Variants in TFPI observed in about 807,000 individuals in gnomAD.
TFPI encodes the protein anti-convertin.
TFPI carries 15 observed loss-of-function variants against 34.6 expected under a neutral mutation model. The observed-to-expected ratio is 0.43, with a 90% CI of 0.29 to 0.67. TFPI has a LOEUF of 0.67. TFPI is among the 30% of genes least tolerant of loss of function. The pLI, the probability that TFPI is intolerant of heterozygous loss-of-function variation, is 0.15. For synonymous variants in TFPI, 105 were observed against 120.1 expected (o/e 0.87, Z 0.82); for missense variants, 301 against 364.0 (o/e 0.83, Z 1.41).
At chr2:187,480,278 C>G (rs887401122) in intron 6 of TFPI, among the ~76,000 whole-genome samples, 4 of 151,822 alleles carry the variant, frequency 2.6e-5, no homozygotes, top group Non-Finnish European at 5.9e-5. Flanking sequence ...AATCTAAGGC[C>G]TGGTGAATTA....
At chr2:187,503,352 C>A (rs1685976753) in intron 2 of TFPI, among the ~76,000 whole-genome samples, 1 of 151,792 alleles carries the variant, frequency 6.6e-6, no homozygotes, top group South Asian at 2.1e-4. Context: ...TTGCTCCTTG[C>A]AATAGCCCGG....
At chr2:187,467,120 AACT>A (rs1691757200) in intron 7 of TFPI, 78 bp from the exon 8 acceptor site, 3 of 934,462 alleles carry the variant, frequency 3.2e-6, no homozygotes, top group Non-Finnish European at 3.1e-6. Flanking sequence ...TTCTCAAAGT[AACT>A]TTTAATATTT....
rs8176563 is a variant in TFPI at position 187,473,748 on chromosome 2, T to C, written c.629-5816A>G. On this transcript the variant is annotated intron_variant, in intron 6 of 7. Coordinates refer to ENST00000233156, the MANE Select transcript of TFPI (RefSeq NM_006287.6). ...GGTATTAAATTGGTGGAAAGTGATATTCTATAAAGAAAAAAAAAACGGGGA... is the reference window on the plus strand; with the variant it reads ...GGTATTAAATTGGTGGAAAGTGATACTCTATAAAGAAAAAAAAAACGGGGA... 3.3e-3 allele frequency among the ~76,000 whole-genome samples: 497 copies of C among 151,128 alleles called. 2 individuals carry two copies. The highest frequency in any genetic ancestry group is 0.011 in the African/African-American group (474 of 41,332).
chr2:187,532,970 C>A (rs1012958478), intron 1 of TFPI, among the ~76,000 whole-genome samples: 3 of 152,168 alleles, frequency 2.0e-5, no homozygotes, highest in Admixed American at 1.3e-4. Flanking sequence ...CAGGGAAGTT[C>A]CAGCACAGCT....
chr2:187,525,932 T>C, intron 1 of TFPI, among the ~76,000 whole-genome samples: 1 of 152,156 alleles, frequency 6.6e-6, no homozygotes, highest in East Asian at 1.9e-4. Flanking sequence ...TTACTAATTA[T>C]ATGAATTTGA....
At chr2:187,515,630 C>G (rs1686950794) in intron 1 of TFPI, 1 of 152,208 alleles carries the variant, frequency 6.6e-6, no homozygotes, top group Non-Finnish European at 1.5e-5. Context: ...ACTCATTTTC[C>G]TTAAAATTTG....
At chr2:187,486,943 T>C (rs894005256) in intron 4 of TFPI, among the ~76,000 whole-genome samples, 6 of 151,634 alleles carry the variant, frequency 4.0e-5, no homozygotes, top group African/African-American at 1.4e-4. Flanking sequence ...TCACTCGAAA[T>C]TGATCAAGTC....
At chr2:187,553,227 A>G (rs1689155913) in intron 1 of TFPI, among the ~76,000 whole-genome samples, 1 of 152,072 alleles carries the variant, frequency 6.6e-6, no homozygotes, top group South Asian at 2.1e-4. Flanking sequence ...TTATGCTTTT[A>G]CACATGAAAT....
chr2:187,489,977 A>G (rs1268446166), intron 3 of TFPI, among the ~76,000 whole-genome samples: 1 of 151,580 alleles, frequency 6.6e-6, no homozygotes, highest in Non-Finnish European at 1.5e-5. Context: ...GCAATGAGAG[A>G]ATGTTAGACT....
chr2:187,484,926 C>T lies in TFPI; in HGVS notation c.420G>A (p.Arg140=). The T allele has an allele frequency of 1.3e-6, 2 of 1,580,686 alleles. No homozygotes were observed. The highest frequency in any genetic ancestry group is 1.7e-6 in the Non-Finnish European group (2 of 1,166,966). ...GTTTTGTCTGATTGTTATAAAAATA[C>T]CTGGTAATATAACCTCGACATATTC... ...DPGICRGYIT[R]YFYNNQTKQC... Residue 140 remains arginine (R), a synonymous_variant, in exon 5 of 8, where the codon AGG becomes AGA. Coordinates refer to ENST00000233156, the MANE Select transcript of TFPI (RefSeq NM_006287.6).
intron 6 of TFPI, among the ~76,000 whole-genome samples, chr2:187,469,805 T>C (rs1691930230): frequency 6.6e-6 from 1 of 152,172 alleles, no homozygotes. Flanking sequence ...CTAGAAAATG[T>C]TGACATTTCC....
At chr2:187,550,235 G>C (rs1219012159) in intron 1 of TFPI, among the ~76,000 whole-genome samples, 1 of 152,082 alleles carries the variant, frequency 6.6e-6, no homozygotes, top group Middle Eastern at 3.2e-3. Flanking sequence ...AAAGTCTAAA[G>C]ACTGGGTGAA....
At chr2:187,498,209 C>G (rs1307262155) in intron 2 of TFPI, among the ~76,000 whole-genome samples, 2 of 151,738 alleles carry the variant, frequency 1.3e-5, no homozygotes, top group African/African-American at 2.4e-5. Flanking sequence ...ATTTTTAAAG[C>G]ATAAAATACA....
chr2:187,509,133 C>T (rs1686441841), intron 1 of TFPI, among the ~76,000 whole-genome samples: 1 of 152,072 alleles, frequency 6.6e-6, no homozygotes, highest in Non-Finnish European at 1.5e-5. Context: ...GGGTTGCATC[C>T]CAGGGATGAA....
intron 6 of TFPI, among the ~76,000 whole-genome samples, chr2:187,469,317 A>G (rs1467894883): frequency 6.6e-6 from 1 of 152,136 alleles, no homozygotes; most frequent in Non-Finnish European, 1.5e-5. Context: ...AATCAAATAA[A>G]GAGTATTTAG....
At chr2:187,531,965 C>A (rs1388265490) in intron 1 of TFPI, among the ~76,000 whole-genome samples, 1 of 151,738 alleles carries the variant, frequency 6.6e-6, no homozygotes. Flanking sequence ...TTATTTTTAG[C>A]TACATATTTA....
intron 1 of TFPI, among the ~76,000 whole-genome samples, chr2:187,509,009 G>T (rs1314469340): frequency 6.6e-6 from 1 of 152,010 alleles, no homozygotes; most frequent in Non-Finnish European, 1.5e-5. Flanking sequence ...GCATGAAGAG[G>T]TGTTGAATTT....
At chr2:187,537,490 A>C (rs1450616820) in intron 1 of TFPI, among the ~76,000 whole-genome samples, 4 of 152,242 alleles carry the variant, frequency 2.6e-5, no homozygotes, top group Non-Finnish European at 4.4e-5. Context: ...CAATGGGGAA[A>C]GGATTCCCTA....
intron 1 of TFPI, among the ~76,000 whole-genome samples, chr2:187,534,949 T>C (rs947312506): frequency 3.3e-5 from 5 of 151,796 alleles, no homozygotes; most frequent in Non-Finnish European, 7.4e-5. Context: ...TAGTCTCTGA[T>C]AAAGCAGACT....
Sources: gnomAD v4.1 joint callset for allele counts (sites outside exome capture counted in the v4.1 genomes callset) on GRCh38, gnomAD v4.1.1 for gene constraint, MANE v1.5 for transcripts, NCBI Gene and HGNC (gene_info 2026-07-23, HGNC 2026-07-21) for gene names.